Variants in NEMP2 observed in about 807,000 individuals in gnomAD.
NEMP2 encodes nuclear envelope integral membrane protein 2, also known as UPF0571 transmembrane protein.
In NEMP2, 53 loss-of-function variants were observed where a neutral mutation model predicts 54.2. That is an observed-to-expected ratio of 0.98 (90% CI 0.78 to 1.23). The LOEUF (loss-of-function observed/expected upper bound fraction) is 1.23. Ranked by LOEUF, NEMP2 falls within the 50% of genes most tolerant of loss-of-function variation. The pLI is 0.00. For synonymous variants in NEMP2, 197 were observed against 190.3 expected (o/e 1.04, Z -0.29); for missense variants, 455 against 511.3 (o/e 0.89, Z 1.06).
intron 5 of NEMP2, 100 bp downstream of exon 5, chr2:190,517,420 A>T: frequency 1.2e-6 from 1 of 823,762 alleles, no homozygotes; most frequent in Non-Finnish European, 1.9e-6. Flanking sequence ...AACATAATTT[A>T]AATTAGAACC....
Position 190,528,125 on chromosome 2 carries a change from C to G in NEMP2, c.98-2747G>C, listed in dbSNP as rs1691006362. Among the ~76,000 whole-genome samples the G allele has an allele frequency of 6.6e-6, 1 of 152,192 alleles. No individual in the cohort carries two copies. Among genetic ancestry groups the G allele is most frequent in the Non-Finnish European group, 1.5e-5 (1 of 68,038 alleles). On this transcript the variant is annotated intron_variant, in intron 1 of 8. Transcript: ENST00000409150. This position sits in a 1 kb window ranked among gnomAD's most constrained non-coding sequence, Gnocchi z 4.3. ...ACACAAAGCAACCAATGCTGAGGCA[C>G]ATTTTTGAATATATCTGAGATGCAA...
the NEMP2 span, among the ~76,000 whole-genome samples, chr2:190,644,166 T>G: frequency 6.6e-6 from 1 of 151,928 alleles, no homozygotes; most frequent in African/African-American, 2.4e-5. The surrounding 1 kb of genome is among the most constrained non-coding windows in gnomAD (Gnocchi z 4.4). Context: ...GTTTCCTCAT[T>G]GTAAAAAAAA....
chr2:190,561,204 CCTT>C, the NEMP2 span, among the ~76,000 whole-genome samples: 1 of 152,112 alleles, frequency 6.6e-6, no homozygotes, highest in Admixed American at 6.5e-5. This position sits in a 1 kb window ranked among gnomAD's most constrained non-coding sequence, Gnocchi z 5.4. Flanking sequence ...TCAAACAGGC[CCTT>C]CTTCTCCAAT....
At position 190,514,435 on chromosome 2, in the gene NEMP2, G is replaced by A. The variant is rs547710927; in HGVS notation, c.953+18C>T. 1.9e-5 allele frequency: 29 copies of A among 1,544,358 alleles called. No homozygotes were observed. The African/African-American group carries it at 3.8e-4, about 20-fold the overall frequency. On this transcript the variant is annotated intron_variant, in intron 7 of 8. Coordinates refer to ENST00000409150, the MANE Select transcript of NEMP2 (RefSeq NM_001142645.2). This position sits in a 1 kb window ranked among gnomAD's most constrained non-coding sequence, Gnocchi z 5.7. ...GCTCAAAATGTCAAATTTGCTGGGGGAAAAAAATGATACATACCACCTCAT... is the reference window on the plus strand; with the variant it reads ...GCTCAAAATGTCAAATTTGCTGGGGAAAAAAAATGATACATACCACCTCAT...
At chr2:190,537,230 G>T (rs1691405612), upstream of NEMP2, among the ~76,000 whole-genome samples, 1 of 152,178 alleles carries the variant, frequency 6.6e-6, no homozygotes. Context: ...CTTTCAATGG[G>T]CTTATCAGCA....
the NEMP2 span, among the ~76,000 whole-genome samples, chr2:190,428,127 C>G: frequency 6.6e-6 from 1 of 152,160 alleles, no homozygotes; most frequent in Non-Finnish European, 1.5e-5. Flanking sequence ...TTTCCTGCTT[C>G]TCTTAGTCCA....
rs1250319823 is a variant in NEMP2, at chr2:190,522,444, G to A, written c.213+2819C>T. 6.6e-6 allele frequency among the ~76,000 whole-genome samples: 1 copy of A among 151,952 alleles called. No individual in the cohort carries two copies. The highest frequency in any genetic ancestry group is 6.6e-5 in the Admixed American group (1 of 15,246). ...AAAAACCCACTATGATCTTTTCTGAGAATAAAAAGGTAAACAAAACTTGTA... is the reference window on the plus strand; with the variant it reads ...AAAAACCCACTATGATCTTTTCTGAAAATAAAAAGGTAAACAAAACTTGTA... On this transcript the variant is annotated intron_variant, in intron 2 of 8. Coordinates refer to ENST00000409150, the MANE Select transcript of NEMP2 (RefSeq NM_001142645.2). This position sits in a 1 kb window ranked among gnomAD's most constrained non-coding sequence, Gnocchi z 5.0.
At chr2:190,577,296 AT>A in the NEMP2 span, among the ~76,000 whole-genome samples, 2 of 152,096 alleles carry the variant, frequency 1.3e-5, no homozygotes, top group Admixed American at 1.3e-4. This position sits in a 1 kb window ranked among gnomAD's most constrained non-coding sequence, Gnocchi z 4.8. Flanking sequence ...GGCTATTCAC[AT>A]TTTTTTGGTC....
chr2:190,443,972 AGCCCAAAAG>A, the NEMP2 span, among the ~76,000 whole-genome samples: 5 of 152,142 alleles, frequency 3.3e-5, no homozygotes, highest in Non-Finnish European at 5.9e-5. The surrounding 1 kb of genome is among the most constrained non-coding windows in gnomAD (Gnocchi z 4.2). Flanking sequence ...GGATCTGTTG[AGCCCAAAAG>A]GAAGTCAAGG....
chr2:190,620,741 C>T, the NEMP2 span, among the ~76,000 whole-genome samples: 8 of 152,160 alleles, frequency 5.3e-5, no homozygotes, highest in Non-Finnish European at 8.8e-5. This position sits in a 1 kb window ranked among gnomAD's most constrained non-coding sequence, Gnocchi z 4.9. Context: ...TTTTATTCAA[C>T]ACTGTACAAG....
At chr2:190,486,111 G>C in the NEMP2 span, among the ~76,000 whole-genome samples, 1 of 152,232 alleles carries the variant, frequency 6.6e-6, no homozygotes, top group East Asian at 1.9e-4. Context: ...TTGCTTTTAA[G>C]ATTATGTAGA....
intron 1 of NEMP2, among the ~76,000 whole-genome samples, chr2:190,526,270 C>CT (rs1690931739): frequency 6.6e-6 from 1 of 152,156 alleles, no homozygotes; most frequent in African/African-American, 2.4e-5. Context: ...GTCTCTCCTG[C>CT]TGTCCCCTCA....
chr2:190,556,248 T>C, the NEMP2 span, among the ~76,000 whole-genome samples: 5 of 152,222 alleles, frequency 3.3e-5, no homozygotes, highest in African/African-American at 1.2e-4. Flanking sequence ...TCTCAATAGA[T>C]GCAGAAAAGG....
the NEMP2 span, among the ~76,000 whole-genome samples, chr2:190,462,025 C>T: frequency 5.9e-5 from 9 of 152,110 alleles, no homozygotes; most frequent in South Asian, 6.2e-4. The surrounding 1 kb of genome is among the most constrained non-coding windows in gnomAD (Gnocchi z 5.7). Context: ...ACTCACTATA[C>T]GAACTCAAAA....
chr2:190,463,603 T>C, the NEMP2 span, among the ~76,000 whole-genome samples: 1 of 152,198 alleles, frequency 6.6e-6, no homozygotes, highest in Admixed American at 6.5e-5. The surrounding 1 kb of genome is among the most constrained non-coding windows in gnomAD (Gnocchi z 4.4). Flanking sequence ...GGAGGATTGC[T>C]TGAGCCCAGG....
At chr2:190,549,683 A>G in the NEMP2 span, among the ~76,000 whole-genome samples, 1 of 152,162 alleles carries the variant, frequency 6.6e-6, no homozygotes, top group African/African-American at 2.4e-5. Context: ...ATTCTCTTCA[A>G]GTTGGCTCCT....
At chr2:190,486,262 G>A in the NEMP2 span, among the ~76,000 whole-genome samples, 1 of 152,224 alleles carries the variant, frequency 6.6e-6, no homozygotes, top group African/African-American at 2.4e-5. Flanking sequence ...CCTTGTGTGG[G>A]TTCTGGGTAT....
the NEMP2 span, among the ~76,000 whole-genome samples, chr2:190,469,094 A>G: frequency 6.6e-6 from 1 of 152,176 alleles, no homozygotes; most frequent in African/African-American, 2.4e-5. The surrounding 1 kb of genome is among the most constrained non-coding windows in gnomAD (Gnocchi z 5.3). Flanking sequence ...GGGTGAGAGA[A>G]TGCAAGAGGT....
chr2:190,487,686 A>G, the NEMP2 span, among the ~76,000 whole-genome samples: 2 of 152,238 alleles, frequency 1.3e-5, no homozygotes, highest in Non-Finnish European at 2.9e-5. The surrounding 1 kb of genome is among the most constrained non-coding windows in gnomAD (Gnocchi z 5.5). Flanking sequence ...AAGCAAATCA[A>G]CAACATGAGA....
Sources: gnomAD v4.1 joint callset for allele counts (sites outside exome capture counted in the v4.1 genomes callset) on GRCh38, gnomAD v4.1.1 for gene constraint, Gnocchi (gnomAD v3.1) non-coding constraint, MANE v1.5 for transcripts, NCBI Gene and HGNC (gene_info 2026-07-23, HGNC 2026-07-21) for gene names.